Variants in CDH13 observed in about 807,000 individuals in gnomAD.
CDH13 encodes the protein cadherin-13.
In CDH13, 24 loss-of-function variants were observed where a neutral mutation model predicts 63.8. That is an observed-to-expected ratio of 0.38 (90% CI 0.27 to 0.53). CDH13 has a LOEUF of 0.53. Ranked by LOEUF, CDH13 falls within the 20% of genes least tolerant of loss-of-function variation. The pLI is 0.85. For missense variants in CDH13, 1,049 were observed against 903.1 expected, an observed-to-expected ratio of 1.16 and a Z score of -2.07; for synonymous variants, 503 against 355.3, an observed-to-expected ratio of 1.42 and a Z score of -4.67.
chr16:83,699,727 A>G (rs1468438447), intron 10 of CDH13, among the ~76,000 whole-genome samples: 1 of 152,206 alleles, frequency 6.6e-6, no homozygotes, highest in African/African-American at 2.4e-5. Context: ...AGAGGCATGG[A>G]AAGGGCAGTT....
chr16:83,339,186 C>T (rs928134504), intron 5 of CDH13, among the ~76,000 whole-genome samples: 4 of 151,972 alleles, frequency 2.6e-5, no homozygotes, highest in Non-Finnish European at 4.4e-5. Context: ...AGAGTGGCTG[C>T]GGATAGAAGA....
Position 83,798,774 on chromosome 16 carries a change from G to A in CDH13, c.*3744G>A, listed in dbSNP as rs1315928507. ...AAGCAACAGTACCTTTTACTATGAG[G>A]TACCCTTTACTATTAAGTACCTTTT... is the stretch of plus-strand genomic sequence containing the variant. On this transcript the variant is annotated 3_prime_UTR_variant, in exon 14 of 14. Coordinates refer to ENST00000567109, the MANE Select transcript of CDH13 (RefSeq NM_001257.5). The A allele has an allele frequency of 3.3e-5, 5 of 151,850 alleles. No homozygotes were observed. The highest frequency in any genetic ancestry group is 1.2e-4 in the African/African-American group (5 of 41,306). The allele number at this position is 151,850 out of a possible 1,614,324, so 9.4% of individuals were successfully genotyped here.
At chr16:83,426,522 C>G (rs2071901415) in intron 6 of CDH13, among the ~76,000 whole-genome samples, 1 of 151,662 alleles carries the variant, frequency 6.6e-6, no homozygotes, top group African/African-American at 2.4e-5. Context: ...CACACACACA[C>G]ACACACACAC....
chr16:82,886,819 T>G (rs2040904250), intron 2 of CDH13, among the ~76,000 whole-genome samples: 1 of 152,300 alleles, frequency 6.6e-6, no homozygotes, highest in South Asian at 2.1e-4. Context: ...CGGAAGTTGC[T>G]TACTTCCCTA....
chr16:83,484,584 T>C (rs552454264), intron 6 of CDH13, among the ~76,000 whole-genome samples: 1 of 152,220 alleles, frequency 6.6e-6, no homozygotes, highest in Non-Finnish European at 1.5e-5. Context: ...AAGCAATACA[T>C]TCACCTTGTA....
At chr16:82,812,368 G>A (rs1597670444) in intron 1 of CDH13, among the ~76,000 whole-genome samples, 2 of 152,258 alleles carry the variant, frequency 1.3e-5, no homozygotes, top group South Asian at 2.1e-4. Context: ...AAAAATGAGC[G>A]AGAAGAGTGG....
chr16:82,645,398 C>T (rs1028013271), intron 1 of CDH13, among the ~76,000 whole-genome samples: 17 of 152,146 alleles, frequency 1.1e-4, no homozygotes, highest in African/African-American at 4.1e-4. Flanking sequence ...GTAGTCTAAA[C>T]CGTTGGCTCT....
At chr16:82,654,221 C>G (rs958904379) in intron 1 of CDH13, among the ~76,000 whole-genome samples, 1 of 152,140 alleles carries the variant, frequency 6.6e-6, no homozygotes, top group South Asian at 2.1e-4. Flanking sequence ...ACAGCAGGTC[C>G]GAGTCTCTCT....
chr16:83,418,043 C>G (rs1168232592), intron 6 of CDH13, among the ~76,000 whole-genome samples: 1 of 152,090 alleles, frequency 6.6e-6, no homozygotes, highest in African/African-American at 2.4e-5. Flanking sequence ...CAGACACTTT[C>G]TCCTTTTTAA....
intron 5 of CDH13, among the ~76,000 whole-genome samples, chr16:83,283,465 C>T (rs543632357): frequency 6.6e-6 from 1 of 152,242 alleles, no homozygotes; most frequent in Non-Finnish European, 1.5e-5. Context: ...GTGGTGCACA[C>T]CTGTAATCCC....
At chr16:83,384,566 C>T (rs768721248) in intron 6 of CDH13, among the ~76,000 whole-genome samples, 6 of 152,190 alleles carry the variant, frequency 3.9e-5, no homozygotes, top group East Asian at 3.9e-4. Context: ...TGTGGGAACA[C>T]GAGCAGAAGG....
At chr16:82,913,717 G>T (rs1041978264) in intron 2 of CDH13, among the ~76,000 whole-genome samples, 2 of 151,986 alleles carry the variant, frequency 1.3e-5, no homozygotes, top group African/African-American at 4.8e-5. Flanking sequence ...CTGCGTGTGG[G>T]TACCCCATGC....
chr16:83,518,613 C>T (rs2074756077), intron 7 of CDH13, among the ~76,000 whole-genome samples: 1 of 151,430 alleles, frequency 6.6e-6, no homozygotes, highest in African/African-American at 2.4e-5. Flanking sequence ...GCTGGGACTA[C>T]AGGCACCTGC....
At chr16:83,031,698 G>T (rs967609052) in intron 2 of CDH13, among the ~76,000 whole-genome samples, 6 of 152,054 alleles carry the variant, frequency 3.9e-5, no homozygotes, top group Non-Finnish European at 8.8e-5. Flanking sequence ...GCCAGGATTA[G>T]ATCACTTCCC....
At chr16:82,820,034 C>G (rs2037927233) in intron 1 of CDH13, among the ~76,000 whole-genome samples, 1 of 152,042 alleles carries the variant, frequency 6.6e-6, no homozygotes, top group Non-Finnish European at 1.5e-5. Flanking sequence ...GTCAGACGAG[C>G]CAGGAGGGTT....
At chr16:83,527,982 C>A (rs1486283906) in intron 7 of CDH13, among the ~76,000 whole-genome samples, 1 of 152,192 alleles carries the variant, frequency 6.6e-6, no homozygotes, top group Admixed American at 6.5e-5. Flanking sequence ...CGGTGACTTT[C>A]TAAGGGCACG....
At chr16:83,388,860 C>G (rs2091730300) in intron 6 of CDH13, among the ~76,000 whole-genome samples, 1 of 152,190 alleles carries the variant, frequency 6.6e-6, no homozygotes, top group African/African-American at 2.4e-5. Context: ...CCCAGACCTA[C>G]TGAATCAGAA....
chr16:82,975,559 A>G (rs1157714588), intron 2 of CDH13, among the ~76,000 whole-genome samples: 4 of 152,250 alleles, frequency 2.6e-5, no homozygotes, highest in African/African-American at 9.6e-5. Context: ...CCCCTAATAC[A>G]GTGAATGGTA....
At chr16:83,031,977 C>A in intron 2 of CDH13, 33 bp from the exon 3 acceptor site, 1 of 1,526,612 alleles carries the variant, frequency 6.6e-7, no homozygotes, top group Non-Finnish European at 8.9e-7. Context: ...CCAACCTACT[C>A]ATGCTCCTTC....
Sources: allele counts gnomAD v4.1 joint callset (sites outside exome capture counted in the v4.1 genomes callset), GRCh38; gene constraint gnomAD v4.1.1; transcripts MANE v1.5; gene names NCBI Gene and HGNC (gene_info 2026-07-23, HGNC 2026-07-21).